The following ATRNL1 variants were observed in gnomAD, a reference collection of about 807,000 sequenced individuals.
ATRNL1 encodes the protein attractin-like protein 1.
Under a neutral mutation model 182.7 loss-of-function variants are expected in ATRNL1, and 95 were observed. That is an observed-to-expected ratio of 0.52 (90% confidence interval 0.44 to 0.62). The LOEUF (loss-of-function observed/expected upper bound fraction) is 0.62, where lower values mean the gene tolerates loss of function less well. Ranked by LOEUF, ATRNL1 falls within the 20% of genes least tolerant of loss-of-function variation. The probability of loss-of-function intolerance (pLI) is 0.00; values close to 1 mark genes in which losing one functional copy is unlikely to be tolerated. For synonymous variants in ATRNL1, 576 were observed against 568.3 expected, an observed-to-expected ratio of 1.01 and a Z score of -0.19; for missense variants, 1,471 against 1,679.5, an observed-to-expected ratio of 0.88 and a Z score of 2.17.
At chr10:115,729,017 G>A (rs1411308306) in intron 27 of ATRNL1, among the ~76,000 whole-genome samples, 2 of 151,688 alleles carry the variant, frequency 1.3e-5, no homozygotes, top group Non-Finnish European at 2.9e-5. Context: ...GCTAAAAATC[G>A]AGTAACAAGA....
chr10:115,693,386 CTATT>C (rs1312073864), intron 26 of ATRNL1, among the ~76,000 whole-genome samples: 3 of 152,072 alleles, frequency 2.0e-5, no homozygotes, highest in Admixed American at 2.0e-4. Flanking sequence ...CCAGACAAAT[CTATT>C]TATGCAGTGG....
Position 115,300,059 on chromosome 10 carries a change from G to C in ATRNL1, c.2441G>C (p.Arg814Pro). The change falls in exon 16 of 29, where the codon CGC (arginine) becomes CCC (proline). Residue 814 changes from arginine (R) to proline (P), a missense_variant. This residue lies in a region of ATRNL1 where 1,031 missense variants were observed against 1,156.0 expected (regional missense o/e 0.89). Coordinates refer to ENST00000355044, the MANE Select transcript of ATRNL1 (RefSeq NM_207303.4). ...AAAGTATCACCTTGGGTAGGCTTGC[G>C]CAAGATCAATATATCCTATTGGGGA... is the stretch of plus-strand genomic sequence containing the variant. ...QQKVSPWVGL[R>P]KINISYWGWE... 1 of 1,612,650 alleles carries C rather than the reference G, an allele frequency of 6.2e-7. No homozygotes were observed. Among genetic ancestry groups the C allele is most frequent in the Non-Finnish European group, 8.5e-7 (1 of 1,179,130 alleles).
At chr10:115,922,076 G>A (rs1953082644) in intron 28 of ATRNL1, among the ~76,000 whole-genome samples, 1 of 152,172 alleles carries the variant, frequency 6.6e-6, no homozygotes, top group Non-Finnish European at 1.5e-5. Flanking sequence ...TCAAGGAGGT[G>A]CCAGACCAGG....
At chr10:115,615,550 C>A (rs1398457259) in intron 26 of ATRNL1, among the ~76,000 whole-genome samples, 5 of 152,060 alleles carry the variant, frequency 3.3e-5, no homozygotes, top group African/African-American at 1.2e-4. Flanking sequence ...GGATCTGTGT[C>A]CCCATCCAAA....
chr10:115,368,397 G>A (rs529696336), intron 19 of ATRNL1, among the ~76,000 whole-genome samples: 6 of 152,300 alleles, frequency 3.9e-5, no homozygotes, highest in African/African-American at 9.6e-5. Context: ...CACGGTGCAC[G>A]CACCCACTGA....
intron 27 of ATRNL1, among the ~76,000 whole-genome samples, chr10:115,748,529 A>C (rs1312593125): frequency 6.6e-6 from 1 of 151,230 alleles, no homozygotes. Flanking sequence ...AGCCCTGGAC[A>C]CTCTTTTGGT....
chr10:115,426,782 C>G (rs1014297448), intron 21 of ATRNL1, among the ~76,000 whole-genome samples: 1 of 152,052 alleles, frequency 6.6e-6, no homozygotes, highest in African/African-American at 2.4e-5. Flanking sequence ...TGGAGTGCAA[C>G]GGCACAATCT....
At chr10:115,513,182 C>A (rs1850475463) in intron 24 of ATRNL1, among the ~76,000 whole-genome samples, 1 of 151,886 alleles carries the variant, frequency 6.6e-6, no homozygotes, top group African/African-American at 2.4e-5. Context: ...TTAGAAGGGG[C>A]CTGGAACTGC....
intron 27 of ATRNL1, among the ~76,000 whole-genome samples, chr10:115,827,615 A>G (rs1186399911): frequency 6.6e-6 from 1 of 152,168 alleles, no homozygotes; most frequent in African/African-American, 2.4e-5. Flanking sequence ...CATATGGACA[A>G]AAGAATTCTA....
At chr10:115,835,369 T>C (rs1950645815) in intron 27 of ATRNL1, among the ~76,000 whole-genome samples, 1 of 152,196 alleles carries the variant, frequency 6.6e-6, no homozygotes, top group Non-Finnish European at 1.5e-5. Context: ...GCTTACTCAG[T>C]TCTTTAAACT....
chr10:115,823,940 A>G (rs967668854), intron 27 of ATRNL1, among the ~76,000 whole-genome samples: 9 of 152,332 alleles, frequency 5.9e-5, no homozygotes, highest in South Asian at 4.1e-4. Context: ...TAAATTTCAT[A>G]TGGAACCAAA....
chr10:115,390,693 G>A (rs1240604325), intron 19 of ATRNL1, among the ~76,000 whole-genome samples: 1 of 152,068 alleles, frequency 6.6e-6, no homozygotes, highest in Non-Finnish European at 1.5e-5. Flanking sequence ...AGTGAAAAAT[G>A]CCATTGGCAT....
intron 27 of ATRNL1, among the ~76,000 whole-genome samples, chr10:115,728,701 A>G (rs1947693326): frequency 6.6e-6 from 1 of 152,162 alleles, no homozygotes; most frequent in African/African-American, 2.4e-5. Flanking sequence ...GAAATGAAAT[A>G]TTGGGTGCAT....
At chr10:115,834,689 A>G (rs772827669) in intron 27 of ATRNL1, among the ~76,000 whole-genome samples, 7 of 152,140 alleles carry the variant, frequency 4.6e-5, no homozygotes, top group Non-Finnish European at 5.9e-5. Flanking sequence ...TTGTTCTCCA[A>G]TGGGATGTCT....
At chr10:115,781,497 C>T (rs1949264921) in intron 27 of ATRNL1, among the ~76,000 whole-genome samples, 6 of 152,094 alleles carry the variant, frequency 3.9e-5, no homozygotes, top group Admixed American at 3.9e-4. Flanking sequence ...CTGAAGTGAA[C>T]AAATCACAAC....
At chr10:115,559,443 T>TGC (rs71476112) in intron 26 of ATRNL1, among the ~76,000 whole-genome samples, 50 of 77,788 alleles carry the variant, frequency 6.4e-4, no homozygotes, top group Admixed American at 1.7e-3. Flanking sequence ...TGTGTGTGTG[T>TGC]GCGCGCGCGC....
At chr10:115,743,454 G>T (rs1287200181) in intron 27 of ATRNL1, among the ~76,000 whole-genome samples, 1 of 151,514 alleles carries the variant, frequency 6.6e-6, no homozygotes, top group Non-Finnish European at 1.5e-5. Flanking sequence ...CTTAAAGTTC[G>T]AAACAAAAGA....
chr10:115,546,516 G>A (rs890799120), intron 25 of ATRNL1, among the ~76,000 whole-genome samples: 1 of 151,386 alleles, frequency 6.6e-6, no homozygotes, highest in African/African-American at 2.4e-5. Flanking sequence ...CAGTGAGGCT[G>A]AGATCACCCC....
chr10:115,099,225 G>T (rs556350283), intron 1 of ATRNL1, among the ~76,000 whole-genome samples: 1 of 152,130 alleles, frequency 6.6e-6, no homozygotes, highest in Non-Finnish European at 1.5e-5. Context: ...CTTTCACACA[G>T]CGTGTTTATT....
Sources: gnomAD v4.1 joint callset for allele counts (sites outside exome capture counted in the v4.1 genomes callset) on GRCh38, gnomAD v4.1.1 for gene constraint, gnomAD v4.1.1 regional missense constraint, MANE v1.5 for transcripts, NCBI Gene and HGNC (gene_info 2026-07-23, HGNC 2026-07-21) for gene names.